Variants in EDARADD observed in about 807,000 individuals in gnomAD.
EDARADD encodes the protein EDAR associated via death domain, also known as ectodysplasin-A receptor-associated adapter protein.
A neutral mutation model predicts 25.6 loss-of-function variants in EDARADD; 20 were observed. The ratio of observed to expected loss-of-function variants is 0.78; its 90% CI spans 0.55 to 1.14. The LOEUF is 1.14. Ranked by LOEUF, EDARADD falls within the 50% of genes most tolerant of loss-of-function variation. The pLI is 0.00. For synonymous variants in EDARADD, 86 were observed against 94.4 expected (o/e 0.91, Z 0.52); for missense variants, 225 against 270.1 (o/e 0.83, Z 1.17).
intron 5 of EDARADD, among the ~76,000 whole-genome samples, chr1:236,472,678 A>G (rs1476334252): frequency 6.6e-6 from 1 of 151,982 alleles, no homozygotes; most frequent in African/African-American, 2.4e-5. Flanking sequence ...CCCCACAGCT[A>G]TTCTATTCAT....
At chr1:236,432,927 CAA>C (rs537189248) in intron 4 of EDARADD, among the ~76,000 whole-genome samples, 2 of 110,866 alleles carry the variant, frequency 1.8e-5, no homozygotes, top group Non-Finnish European at 1.9e-5. Context: ...GCAAGACTCT[CAA>C]AAAAAAAAAA....
At chr1:236,366,399 A>G (rs1362459845) in intron 3 of EDARADD, among the ~76,000 whole-genome samples, 1 of 152,204 alleles carries the variant, frequency 6.6e-6, no homozygotes, top group African/African-American at 2.4e-5. Flanking sequence ...TTTTCCAGTC[A>G]GCCTGGTGGG....
intron 4 of EDARADD, among the ~76,000 whole-genome samples, chr1:236,442,487 G>A (rs1658427589): frequency 6.6e-6 from 1 of 152,158 alleles, no homozygotes; most frequent in Non-Finnish European, 1.5e-5. Context: ...TCAATTCCTG[G>A]ATTCAAACTT....
At chr1:236,359,447 T>G (rs919611638) in intron 3 of EDARADD, among the ~76,000 whole-genome samples, 3 of 152,220 alleles carry the variant, frequency 2.0e-5, no homozygotes, top group African/African-American at 7.2e-5. Context: ...AGGTGCCATC[T>G]TGGGAGCAGA....
chr1:236,380,121 A>G (rs754071699), intron 3 of EDARADD, among the ~76,000 whole-genome samples: 22 of 152,224 alleles, frequency 1.4e-4, no homozygotes, highest in South Asian at 2.1e-4. Flanking sequence ...TCCTTCCTTC[A>G]TAACGCTCCC....
intron 4 of EDARADD, among the ~76,000 whole-genome samples, chr1:236,447,789 T>C (rs1658606047): frequency 6.6e-6 from 1 of 152,166 alleles, no homozygotes; most frequent in African/African-American, 2.4e-5. Flanking sequence ...CTTAAACCAA[T>C]GGTTCTGGTC....
intron 3 of EDARADD, among the ~76,000 whole-genome samples, chr1:236,372,914 A>T (rs1280785729): frequency 3.0e-4 from 34 of 113,568 alleles, no homozygotes; most frequent in East Asian, 5.4e-4. Context: ...CTCTTCTTAC[A>T]TTTTTTTTTT....
chr1:236,393,288 T>C (rs1667449663), upstream of EDARADD, among the ~76,000 whole-genome samples: 1 of 152,002 alleles, frequency 6.6e-6, no homozygotes, highest in African/African-American at 2.4e-5. Flanking sequence ...CAAAGAGCAG[T>C]GAAGTTATGG....
intron 3 of EDARADD, among the ~76,000 whole-genome samples, chr1:236,363,007 ATATATATATAT>A (rs1282381653): frequency 2.5e-5 from 1 of 40,376 alleles, no homozygotes; most frequent in African/African-American, 1.1e-4. Context: ...AAAAAAAAAA[ATATATATATAT>A]ATATATATAT....
rs1667565257 is a variant in EDARADD at position 236,398,779 on chromosome 1, C to T, written c.61+4274C>T. On this transcript the variant is annotated intron_variant, in intron 1 of 5. Transcript: ENST00000334232. This position sits in a 1 kb window ranked among gnomAD's most constrained non-coding sequence, Gnocchi z 4.1. ...GGGATCCAGCCCGATGTTATACATG[C>T]TCAGCAAACCCTGTACCTTTCCTTT... 6.6e-6 allele frequency among the ~76,000 whole-genome samples: 1 copy of T among 152,216 alleles called. No homozygotes were observed.
chr1:236,364,418 C>T (rs1013614762), intron 3 of EDARADD, among the ~76,000 whole-genome samples: 4 of 152,082 alleles, frequency 2.6e-5, no homozygotes, highest in Non-Finnish European at 5.9e-5. Context: ...AATAGCTTCT[C>T]AATTTCCACA....
chr1:236,369,871 T>C (rs1667156184), intron 3 of EDARADD, among the ~76,000 whole-genome samples: 1 of 151,890 alleles, frequency 6.6e-6, no homozygotes, highest in Non-Finnish European at 1.5e-5. Context: ...AAAATTGTTA[T>C]CATATTTCAA....
At chr1:236,413,417 C>T (rs60317655) in intron 2 of EDARADD, among the ~76,000 whole-genome samples, 12,774 of 152,144 alleles carry the variant, frequency 0.084, 1,551 homozygotes, top group African/African-American at 0.27. Context: ...ATTTCTTTCT[C>T]TCTCTCCTCT....
At chr1:236,390,165 A>G (rs889177102), upstream of EDARADD, among the ~76,000 whole-genome samples, 1 of 152,196 alleles carries the variant, frequency 6.6e-6, no homozygotes, top group Admixed American at 6.5e-5. Context: ...ACTTGAGGGA[A>G]GAGTGGGAGG....
At chr1:236,363,006 A>AAAAAAAAAAAAAAAT (rs1377112051) in intron 3 of EDARADD, among the ~76,000 whole-genome samples, 2 of 42,948 alleles carry the variant, frequency 4.7e-5, no homozygotes, top group African/African-American at 2.2e-4. Flanking sequence ...AAAAAAAAAA[A>AAAAAAAAAAAAAAAT]ATATATATAT....
rs1005957166 is a variant in EDARADD, at chr1:236,482,393, C to T, written c.392C>T (p.Pro131Leu). The change falls in exon 6 of 6, where the codon CCG becomes CTG. Residue 131 changes from proline (P) to leucine (L), a missense_variant. Coordinates refer to ENST00000334232, the MANE Select transcript of EDARADD (RefSeq NM_145861.4). ...LLDVIRIKLD[P>L]CHPTVKNWRN... ...GACGTGATCAGGATAAAGCTGGATC[C>T]GTGTCACCCAACGGTGAAAAACTGG... The T allele has an allele frequency of 1.4e-5, 22 of 1,614,044 alleles. No individual in the cohort carries two copies. In the Admixed American group the frequency reaches 1.7e-4, roughly 12 times the overall value.
At chr1:236,375,414 G>A (rs575056453) in intron 3 of EDARADD, among the ~76,000 whole-genome samples, 1 of 152,182 alleles carries the variant, frequency 6.6e-6, no homozygotes, top group East Asian at 1.9e-4. Context: ...CCAGCACTTT[G>A]GGAGGCCAAG....
rs772799912 is a variant in EDARADD, at chr1:236,395,663, A to G, written c.61+1158A>G. On this transcript the variant is annotated intron_variant, in intron 1 of 5. Coordinates refer to ENST00000334232, the MANE Select transcript of EDARADD (RefSeq NM_145861.4). This position sits in a 1 kb window ranked among gnomAD's most constrained non-coding sequence, Gnocchi z 6.9. Reference sequence around the variant, plus strand: ...ACCGGACGACCCTCTGCGCGCAGGTAAAGGGACACAGCGCCGCGCCCGCTC... The same window carrying G: ...ACCGGACGACCCTCTGCGCGCAGGTGAAGGGACACAGCGCCGCGCCCGCTC... The G allele has an allele frequency of 1.8e-5, 28 of 1,573,110 alleles. No homozygotes were observed. The highest frequency in any genetic ancestry group is 2.4e-5 in the Non-Finnish European group (28 of 1,162,620).
intron 3 of EDARADD, among the ~76,000 whole-genome samples, chr1:236,378,111 C>T (rs185880649): frequency 6.6e-6 from 1 of 152,118 alleles, no homozygotes; most frequent in African/African-American, 2.4e-5. Flanking sequence ...CACCCACCCC[C>T]CTTTAGGTGG....
Sources: allele counts gnomAD v4.1 joint callset (sites outside exome capture counted in the v4.1 genomes callset), GRCh38; gene constraint gnomAD v4.1.1; non-coding constraint Gnocchi (gnomAD v3.1); transcripts MANE v1.5; gene names NCBI Gene and HGNC (gene_info 2026-07-23, HGNC 2026-07-21).